Variants in CDK15 observed in about 807,000 individuals in gnomAD.
CDK15 encodes the protein cyclin dependent kinase 15.
In CDK15, 62 loss-of-function variants were observed where a neutral mutation model predicts 60.3. The ratio of observed to expected loss-of-function variants is 1.03; its 90% CI spans 0.84 to 1.27. The LOEUF is 1.27. Ranked by LOEUF, CDK15 falls within the 50% of genes most tolerant of loss-of-function variation. CDK15 has a pLI of 0.00. For missense variants in CDK15, 541 were observed against 527.8 expected, an observed-to-expected ratio of 1.03 and a Z score of -0.25; for synonymous variants, 194 against 195.7, an observed-to-expected ratio of 0.99 and a Z score of 0.07.
At chr2:201,825,047 G>C (rs1450393652) in intron 6 of CDK15, among the ~76,000 whole-genome samples, 4 of 152,148 alleles carry the variant, frequency 2.6e-5, no homozygotes, top group East Asian at 1.9e-4. Flanking sequence ...TGGCGCGGTG[G>C]CTCACGCCTG....
In CDK15 at chr2:201,888,307, A is replaced by G. The variant is rs1699531754; in HGVS notation, c.1199-2478A>G. Among the ~76,000 whole-genome samples the G allele has an allele frequency of 4.6e-5, 7 of 152,190 alleles. No homozygotes were observed. The South Asian group carries it at 1.5e-3, about 32-fold the overall frequency. On this transcript the variant is annotated intron_variant, in intron 12 of 13. Transcript: ENST00000652192. Reference sequence around the variant, plus strand: ...AGCTTAGGAACTCAATTAGACTAAAAAGACAACTATCTCATTATCTCGTTC... The same window carrying G: ...AGCTTAGGAACTCAATTAGACTAAAGAGACAACTATCTCATTATCTCGTTC...
rs1349793348 is a variant in CDK15 at position 201,882,318 on chromosome 2, T to C, written c.1198+2151T>C. 6.6e-6 allele frequency among the ~76,000 whole-genome samples: 1 copy of C among 152,138 alleles called. No individual in the cohort carries two copies. The highest frequency in any genetic ancestry group is 6.6e-5 in the Admixed American group (1 of 15,262). ...TTTAGAAAAATGAAAAGATGGAATC[T>C]TGTAGGAGGCTGCCTGCACTAGCGG... On this transcript the variant is annotated intron_variant, in intron 12 of 13. Coordinates refer to ENST00000652192, the MANE Select transcript of CDK15 (RefSeq NM_001366386.2). The surrounding 1 kb of genome is among the most constrained non-coding windows in gnomAD (Gnocchi z 4.0).
intron 11 of CDK15, among the ~76,000 whole-genome samples, chr2:201,878,781 G>T (rs75059078): frequency 1.3e-5 from 2 of 152,184 alleles, no homozygotes; most frequent in South Asian, 4.1e-4. Context: ...CTGCTTCACA[G>T]ATGGCACCTT....
intron 8 of CDK15, among the ~76,000 whole-genome samples, chr2:201,841,983 G>A (rs1268952700): frequency 6.6e-6 from 1 of 152,246 alleles, no homozygotes; most frequent in East Asian, 1.9e-4. Context: ...TTTGTATTGT[G>A]TTAAAATATA....
At chr2:201,812,363 A>G in intron 3 of CDK15, 120 bp from the exon 4 acceptor site, 1 of 585,558 alleles carries the variant, frequency 1.7e-6, no homozygotes, top group East Asian at 3.0e-5. Context: ...TGAGAAAATT[A>G]TAGATTTATA....
chr2:201,852,694 AAAC>A (rs1381580000), intron 9 of CDK15, among the ~76,000 whole-genome samples: 1 of 152,202 alleles, frequency 6.6e-6, no homozygotes, highest in Non-Finnish European at 1.5e-5. Context: ...GGAGGGAGCA[AAAC>A]AACAATTTTT....
At chr2:201,816,885 G>A (rs1314310931) in intron 4 of CDK15, among the ~76,000 whole-genome samples, 3 of 152,238 alleles carry the variant, frequency 2.0e-5, no homozygotes, top group South Asian at 2.1e-4. Context: ...GCAACAACCT[G>A]ACAACCTGGA....
intron 8 of CDK15, among the ~76,000 whole-genome samples, chr2:201,842,683 G>A (rs890479499): frequency 6.6e-6 from 1 of 152,112 alleles, no homozygotes; most frequent in African/African-American, 2.4e-5. Flanking sequence ...CCCTCTTATG[G>A]AAGAATTTGT....
intron 10 of CDK15, among the ~76,000 whole-genome samples, chr2:201,855,775 T>A (rs1438322276): frequency 6.6e-6 from 1 of 152,058 alleles, no homozygotes; most frequent in Non-Finnish European, 1.5e-5. Flanking sequence ...TTTATGGTCT[T>A]ACATTGTTCC....
intron 10 of CDK15, among the ~76,000 whole-genome samples, chr2:201,855,875 G>T (rs958158893): frequency 2.0e-5 from 3 of 150,050 alleles, no homozygotes; most frequent in Non-Finnish European, 4.4e-5. Flanking sequence ...GCCCAGGCTG[G>T]AGTGCAGTGG....
chr2:201,889,280 T>A, intron 12 of CDK15: 1 of 985,378 alleles, frequency 1.0e-6, no homozygotes, highest in Non-Finnish European at 1.2e-6. Context: ...TTTATGCAAA[T>A]TGTGAACCTG....
intron 10 of CDK15, among the ~76,000 whole-genome samples, chr2:201,863,667 G>A (rs1240541266): frequency 2.6e-5 from 4 of 152,042 alleles, no homozygotes; most frequent in African/African-American, 4.8e-5. Flanking sequence ...AGGCCGAGGC[G>A]GGTGGTTCAC....
chr2:201,854,268 A>G (rs567710653), intron 9 of CDK15, among the ~76,000 whole-genome samples: 20 of 152,248 alleles, frequency 1.3e-4, no homozygotes, highest in Non-Finnish European at 2.6e-4. Context: ...ACCAAATACC[A>G]TATTCCAAGC....
chr2:201,822,928 C>T, intron 5 of CDK15, 25 bp downstream of exon 5: 1 of 1,376,810 alleles, frequency 7.3e-7, no homozygotes, highest in Non-Finnish European at 1.0e-6. Context: ...CATTTTACAA[C>T]ACTTGAGAAA....
chr2:201,845,140 C>A (rs1052242373), intron 8 of CDK15, among the ~76,000 whole-genome samples: 2 of 137,068 alleles, frequency 1.5e-5, no homozygotes, highest in Non-Finnish European at 1.6e-5. Context: ...CAGAGTGAGA[C>A]CCTGTCTCAA....
chr2:201,880,796 T>G (rs1203521425), intron 12 of CDK15, among the ~76,000 whole-genome samples: 2 of 152,182 alleles, frequency 1.3e-5, no homozygotes. Flanking sequence ...CCCGTCATGT[T>G]TCTTGGACTG....
chr2:201,816,407 C>G (rs567020276), intron 4 of CDK15, among the ~76,000 whole-genome samples: 1 of 146,348 alleles, frequency 6.8e-6, no homozygotes, highest in South Asian at 2.2e-4. Flanking sequence ...GGTTAATTCA[C>G]TTAGGATAAT....
chr2:201,827,634 T>A (rs2105724561), intron 6 of CDK15, among the ~76,000 whole-genome samples: 1 of 152,114 alleles, frequency 6.6e-6, no homozygotes, highest in Non-Finnish European at 1.5e-5. Flanking sequence ...TGAGACAGAG[T>A]CTCTTTTTGT....
At chr2:201,818,139 G>A (rs1042454238) in intron 4 of CDK15, among the ~76,000 whole-genome samples, 1 of 151,996 alleles carries the variant, frequency 6.6e-6, no homozygotes, top group African/African-American at 2.4e-5. Flanking sequence ...AGCACTTATT[G>A]AGCACCACAT....
Sources: gnomAD v4.1 joint callset for allele counts (sites outside exome capture counted in the v4.1 genomes callset) on GRCh38, gnomAD v4.1.1 for gene constraint, Gnocchi (gnomAD v3.1) non-coding constraint, MANE v1.5 for transcripts, NCBI Gene and HGNC (gene_info 2026-07-23, HGNC 2026-07-21) for gene names.